Variants in ADAM22 observed in about 807,000 individuals in gnomAD.
ADAM22 encodes the protein ADAM metallopeptidase domain 22.
In ADAM22, 65 loss-of-function variants were observed where a neutral mutation model predicts 144.6. The observed-to-expected ratio is 0.45, with a 90% confidence interval of 0.37 to 0.55. The LOEUF is 0.55. Ranked by LOEUF, ADAM22 falls within the 20% of genes least tolerant of loss-of-function variation. The probability of loss-of-function intolerance (pLI) is 0.00; values close to 1 mark genes in which losing one functional copy is unlikely to be tolerated. For missense variants in ADAM22, 974 were observed against 1,184.9 expected (o/e 0.82, Z 2.61); for synonymous variants, 391 against 412.6 (o/e 0.95, Z 0.63).
intron 3 of ADAM22, among the ~76,000 whole-genome samples, chr7:88,051,543 G>A (rs1198676581): frequency 6.6e-6 from 1 of 151,778 alleles, no homozygotes; most frequent in Non-Finnish European, 1.5e-5. Context: ...ACACACCGGG[G>A]CCTGTTGTGG....
intron 5 of ADAM22, among the ~76,000 whole-genome samples, 164 bp downstream of exon 5, chr7:88,108,422 G>T (rs1211528578): frequency 6.6e-6 from 1 of 151,640 alleles, no homozygotes; most frequent in African/African-American, 2.4e-5. Context: ...AAACCAAGCA[G>T]ATTTTTAAAT....
intron 4 of ADAM22, among the ~76,000 whole-genome samples, chr7:88,082,369 A>C (rs1425640473): frequency 6.6e-6 from 1 of 152,208 alleles, no homozygotes; most frequent in Admixed American, 6.5e-5. Flanking sequence ...TGTTACACCT[A>C]AAACCATAAA....
chr7:88,055,020 A>T (rs1807810555), intron 3 of ADAM22, among the ~76,000 whole-genome samples: 1 of 152,182 alleles, frequency 6.6e-6, no homozygotes, highest in Non-Finnish European at 1.5e-5. Context: ...CCTGGGTTCA[A>T]ATCAATACCC....
intron 3 of ADAM22, among the ~76,000 whole-genome samples, chr7:88,031,038 C>T (rs1240871697): frequency 6.6e-6 from 1 of 152,172 alleles, no homozygotes; most frequent in African/African-American, 2.4e-5. Flanking sequence ...ATGGCGTGAA[C>T]CTGGGAGGCG....
intron 2 of ADAM22, among the ~76,000 whole-genome samples, chr7:87,958,359 C>A (rs1847271623): frequency 6.6e-6 from 1 of 151,840 alleles, no homozygotes; most frequent in Admixed American, 6.6e-5. Flanking sequence ...AACCATAAGA[C>A]TTTAAAGTTT....
intron 3 of ADAM22, among the ~76,000 whole-genome samples, chr7:87,997,222 A>G (rs118089036): frequency 0.018 from 2,692 of 152,378 alleles, 19 homozygotes; most frequent in Non-Finnish European, 0.027. Flanking sequence ...AAAAACAGAA[A>G]TAAATAGTTC....
intron 2 of ADAM22, among the ~76,000 whole-genome samples, chr7:87,944,816 G>GTTTTTTTTTTTTTGTTTT (rs1843189837): frequency 7.9e-6 from 1 of 127,028 alleles, no homozygotes. Context: ...GGAAACTTGT[G>GTTTTTTTTTTTTTGTTTT]TTTTTTTTTT....
chr7:88,059,694 G>T (rs2129476313), intron 3 of ADAM22, among the ~76,000 whole-genome samples: 1 of 152,292 alleles, frequency 6.6e-6, no homozygotes, highest in South Asian at 2.1e-4. Context: ...ATAAAAGAAT[G>T]AAATCATGTC....
intron 4 of ADAM22, among the ~76,000 whole-genome samples, chr7:88,093,548 T>C (rs1820497042): frequency 6.6e-6 from 1 of 152,078 alleles, no homozygotes; most frequent in African/African-American, 2.4e-5. Context: ...TTTTTGTTGT[T>C]GTTGTTTGTT....
intron 3 of ADAM22, among the ~76,000 whole-genome samples, chr7:88,016,142 T>A (rs1190240571): frequency 6.6e-6 from 1 of 152,204 alleles, no homozygotes; most frequent in Non-Finnish European, 1.5e-5. Flanking sequence ...AGTGTATGAG[T>A]TCTAGGCATT....
chr7:88,039,464 A>AAAAAAAAAAAAAAAAAAAAAAAATAT, intron 3 of ADAM22, among the ~76,000 whole-genome samples: 1 of 76,378 alleles, frequency 1.3e-5, no homozygotes, highest in Non-Finnish European at 2.7e-5. Flanking sequence ...AAAAAAAAAA[A>AAAAAAAAAAAAAAAAAAAAAAAATAT]ATATATATAT....
chr7:88,058,162 T>C (rs1266865313), intron 3 of ADAM22, among the ~76,000 whole-genome samples: 1 of 151,934 alleles, frequency 6.6e-6, no homozygotes, highest in Non-Finnish European at 1.5e-5. Context: ...CTTACCAGAG[T>C]GGAAAAAGCT....
At chr7:88,020,157 T>C (rs1423959718) in intron 3 of ADAM22, among the ~76,000 whole-genome samples, 1 of 152,176 alleles carries the variant, frequency 6.6e-6, no homozygotes, top group Non-Finnish European at 1.5e-5. Flanking sequence ...ATCGTGGTGT[T>C]AATGCGCAGG....
At chr7:87,989,608 ATATGTAG>A (rs1271503784) in intron 3 of ADAM22, among the ~76,000 whole-genome samples, 3 of 152,110 alleles carry the variant, frequency 2.0e-5, no homozygotes, top group African/African-American at 7.2e-5. Context: ...GTTGTCAGAG[ATATGTAG>A]TTTAAAAAGT....
At chr7:88,186,741 C>T (rs1271189854) in intron 30 of ADAM22, 40 bp downstream of exon 30, 8 of 1,239,536 alleles carry the variant, frequency 6.5e-6, no homozygotes, top group Admixed American at 1.7e-5. Context: ...CTCAAACTCT[C>T]CCAGCACATA....
At position 88,183,842 on chromosome 7, in the gene ADAM22, A is replaced by G. The variant is rs555107815; in HGVS notation, c.2663+1818A>G. The stretch of plus-strand genomic sequence containing the variant: ...TACACATGTATATATACATATATAT[A>G]TATATATTTATACATACACACACAC... On this transcript the variant is annotated intron_variant, in intron 29 of 31. Transcript: ENST00000413139. Among the ~76,000 whole-genome samples the G allele has an allele frequency of 2.4e-4, 35 of 147,014 alleles. 2 individuals carry two copies. In the South Asian group the frequency reaches 7.6e-3, roughly 32 times the overall value.
chr7:88,050,511 TAA>T (rs1806010135), intron 3 of ADAM22, among the ~76,000 whole-genome samples: 1 of 150,482 alleles, frequency 6.6e-6, no homozygotes, highest in Non-Finnish European at 1.5e-5. Context: ...AGAAAGAAAT[TAA>T]AAAATATTAT....
intron 2 of ADAM22, among the ~76,000 whole-genome samples, chr7:87,964,442 C>T (rs1217945932): frequency 6.6e-6 from 1 of 152,134 alleles, no homozygotes; most frequent in African/African-American, 2.4e-5. Context: ...GATTAGGTGA[C>T]AAGATTGATC....
intron 24 of ADAM22, among the ~76,000 whole-genome samples, chr7:88,166,932 G>T (rs1012451905): frequency 2.6e-5 from 4 of 152,158 alleles, no homozygotes; most frequent in African/African-American, 9.6e-5. Flanking sequence ...AGACATGCTA[G>T]GTCTTGAAGT....
Sources: gnomAD v4.1 joint callset for allele counts (sites outside exome capture counted in the v4.1 genomes callset) on GRCh38, gnomAD v4.1.1 for gene constraint, MANE v1.5 for transcripts, NCBI Gene and HGNC (gene_info 2026-07-23, HGNC 2026-07-21) for gene names.